Variants in CYBRD1 observed in about 807,000 individuals in gnomAD.
The protein encoded by CYBRD1 is plasma membrane ascorbate-dependent reductase CYBRD1.
In CYBRD1, 14 loss-of-function variants were observed where a neutral mutation model predicts 21.9. The ratio of observed to expected loss-of-function variants is 0.64; its 90% confidence interval spans 0.42 to 1.00. CYBRD1 has a LOEUF of 1.00. Ranked by LOEUF, CYBRD1 falls within the 50% of genes least tolerant of loss-of-function variation. The probability of loss-of-function intolerance (pLI) is 0.00; values close to 1 mark genes in which losing one functional copy is unlikely to be tolerated. For synonymous variants in CYBRD1, 146 were observed against 136.5 expected, an observed-to-expected ratio of 1.07 and a Z score of -0.48; for missense variants, 328 against 352.5, an observed-to-expected ratio of 0.93 and a Z score of 0.56.
At chr2:171,526,769 G>C (rs1228784517) in intron 1 of CYBRD1, among the ~76,000 whole-genome samples, 1 of 152,208 alleles carries the variant, frequency 6.6e-6, no homozygotes, top group Non-Finnish European at 1.5e-5. Flanking sequence ...GGTGGAATGT[G>C]TTCTTTAGTG....
At chr2:171,527,560 A>G (rs1697403142) in intron 1 of CYBRD1, among the ~76,000 whole-genome samples, 1 of 152,222 alleles carries the variant, frequency 6.6e-6, no homozygotes, top group Admixed American at 6.5e-5. Flanking sequence ...GCACTGGCTT[A>G]GTCAACCTCC....
chr2:171,527,119 C>T (rs1697396738), intron 1 of CYBRD1, among the ~76,000 whole-genome samples: 1 of 152,144 alleles, frequency 6.6e-6, no homozygotes, highest in Non-Finnish European at 1.5e-5. Context: ...CAAATACCTA[C>T]TCTAAAAGAA....
At chr2:171,550,551 A>G (rs184599615) in intron 2 of CYBRD1, among the ~76,000 whole-genome samples, 78 of 152,290 alleles carry the variant, frequency 5.1e-4, no homozygotes, top group African/African-American at 1.7e-3. Context: ...TTTATAAATT[A>G]TAAGTTATTA....
rs1203390228 is a variant in CYBRD1 at position 171,549,509 on chromosome 2, C to T, written c.403-3837C>T. Among the ~76,000 whole-genome samples the T allele has an allele frequency of 2.6e-5, 4 of 152,198 alleles. No individual in the cohort carries two copies. The East Asian group carries it at 7.7e-4, about 29-fold the overall frequency. On this transcript the variant is annotated intron_variant, in intron 2 of 3. Coordinates refer to ENST00000321348, the MANE Select transcript of CYBRD1 (RefSeq NM_024843.4). ...AAAAACCCTGGCTATTCTGGGCACA[C>T]TGCCTGTGGGGTATTCCTGTTCCAC...
At chr2:171,545,636 G>A (rs952618190) in intron 2 of CYBRD1, among the ~76,000 whole-genome samples, 4 of 146,054 alleles carry the variant, frequency 2.7e-5, no homozygotes, top group East Asian at 2.1e-4. Context: ...TGATCCACCC[G>A]CCTCGGCCTC....
chr2:171,552,630 T>C (rs1195414507), intron 2 of CYBRD1, among the ~76,000 whole-genome samples: 1 of 152,244 alleles, frequency 6.6e-6, no homozygotes, highest in African/African-American at 2.4e-5. Context: ...GAGAGGATAC[T>C]TGATGGGCAA....
Position 171,541,699 on chromosome 2 carries a change from C to T in CYBRD1, c.308C>T (p.Ala103Val). Residue 103 changes from alanine (A) to valine (V), a missense_variant, in exon 2 of 4, where the codon GCC becomes GTC. Transcript: ENST00000321348. ...ATTCTTGCAATTATCTCTGTGGTGGCCGTGTTTGAGAACCACAATGTTAAC... is the reference window on the plus strand; with the variant it reads ...ATTCTTGCAATTATCTCTGTGGTGGTCGTGTTTGAGAACCACAATGTTAAC... ...AAILAIISVVAVFENHNVNNI... is the reference protein window; with the variant it reads ...AAILAIISVVVVFENHNVNNI... The T allele has an allele frequency of 6.2e-7, 1 of 1,613,704 alleles. No individual in the cohort carries two copies. Among genetic ancestry groups the T allele is most frequent in the East Asian group, 2.2e-5 (1 of 44,862 alleles).
At chr2:171,540,473 A>G (rs570798484) in intron 1 of CYBRD1, among the ~76,000 whole-genome samples, 1 of 152,282 alleles carries the variant, frequency 6.6e-6, no homozygotes, top group East Asian at 1.9e-4. Context: ...TGATGATCAT[A>G]TAAATATTTC....
intron 1 of CYBRD1, among the ~76,000 whole-genome samples, chr2:171,528,170 C>G (rs1188623768): frequency 6.6e-6 from 1 of 152,138 alleles, no homozygotes; most frequent in East Asian, 1.9e-4. Context: ...ACCGCAAACT[C>G]TGCCTCCCGG....
chr2:171,549,835 G>A (rs1489511815), intron 2 of CYBRD1, among the ~76,000 whole-genome samples: 2 of 152,130 alleles, frequency 1.3e-5, no homozygotes, highest in African/African-American at 2.4e-5. Flanking sequence ...CTAAACACTG[G>A]GGCACTTTGT....
At chr2:171,522,379 C>T (rs2356782), upstream of CYBRD1, 3 of 1,492,400 alleles carry the variant, frequency 2.0e-6, 1 homozygote, top group Non-Finnish European at 2.7e-6. This position sits in a 1 kb window ranked among gnomAD's most constrained non-coding sequence, Gnocchi z 4.3. Context: ...CTCCCCACCC[C>T]CAAGAGGCCC....
At position 171,540,296 on chromosome 2, in the gene CYBRD1, G is replaced by A. The variant is rs1007460245; in HGVS notation, c.194-1289G>A. Among the ~76,000 whole-genome samples, 3 of 152,190 alleles carry A rather than the reference G, an allele frequency of 2.0e-5. No individual in the cohort carries two copies. In the East Asian group the frequency reaches 5.8e-4, roughly 29 times the overall value. ...TACTTGTTAACGTCTGGCTTCTTGA[G>A]ATTGACATTATAGGTTGATCCATAT... On this transcript the variant is annotated intron_variant, in intron 1 of 3. Transcript: ENST00000321348.
At position 171,554,800 on chromosome 2, in the gene CYBRD1, T is replaced by G. The variant is rs749833110; in HGVS notation, c.834T>G (p.Asp278Glu). ...VAARKRNLAL[D>E]EAGQRSTM ...CAAGGAAAAGAAACTTAGCTCTGGA[T>G]GAGGCTGGGCAGAGATCTACCATGT... The change falls in exon 4 of 4, where the codon GAT becomes GAG. Residue 278 changes from aspartate (D) to glutamate (E), a missense_variant. By Grantham distance (45) the Asp-to-Glu change is conservative. Transcript: ENST00000321348. 1.9e-6 allele frequency: 3 copies of G among 1,613,228 alleles called. No homozygotes were observed. The highest frequency in any genetic ancestry group is 1.7e-6 in the Non-Finnish European group (2 of 1,179,872).
At chr2:171,541,816 A>C in intron 2 of CYBRD1, 23 bp downstream of exon 2, 1 of 1,575,904 alleles carries the variant, frequency 6.3e-7, no homozygotes, top group Middle Eastern at 1.7e-4. Context: ...GTGTATTTAC[A>C]AGCAAGTTAT....
At chr2:171,531,035 A>AGTCCCAGC (rs571317724) in intron 1 of CYBRD1, among the ~76,000 whole-genome samples, 13 of 151,724 alleles carry the variant, frequency 8.6e-5, no homozygotes, top group South Asian at 4.2e-4. Flanking sequence ...TGTGTTGGTA[A>AGTCCCAGC]GTCCCAGCTA....
At chr2:171,540,249 A>G (rs1697609593) in intron 1 of CYBRD1, among the ~76,000 whole-genome samples, 1 of 152,206 alleles carries the variant, frequency 6.6e-6, no homozygotes, top group African/African-American at 2.4e-5. Flanking sequence ...TCTATACTTC[A>G]TATAAATTGA....
At position 171,541,642 on chromosome 2, in the gene CYBRD1, C is replaced by G; in HGVS notation, c.251C>G (p.Ser84Cys). ...AAATGCAGCAAGCTCCTGATGAAATCCATCCATGCAGGGTTAAATGCAGTT... is the reference window on the plus strand; with the variant it reads ...AAATGCAGCAAGCTCCTGATGAAATGCATCCATGCAGGGTTAAATGCAGTT... Reference protein sequence around the residue: ...TWKCSKLLMKSIHAGLNAVAA... With the variant: ...TWKCSKLLMKCIHAGLNAVAA... Residue 84 changes from serine to cysteine, a missense_variant, in exon 2 of 4, where the codon TCC (serine) becomes TGC (cysteine). Coordinates refer to ENST00000321348, the MANE Select transcript of CYBRD1 (RefSeq NM_024843.4). The G allele has an allele frequency of 2.5e-6, 4 of 1,613,988 alleles. No homozygotes were observed. The African/African-American group carries it at 5.3e-5, about 22-fold the overall frequency.
chr2:171,548,310 C>A (rs1015954293), intron 2 of CYBRD1, among the ~76,000 whole-genome samples: 1 of 152,118 alleles, frequency 6.6e-6, no homozygotes, highest in Admixed American at 6.5e-5. Flanking sequence ...TGGGGCCCAA[C>A]AATCTGTGCT....
Position 171,554,942 on chromosome 2 carries a change from C to G in CYBRD1, c.*115C>G, listed in dbSNP as rs956179972. 8.8e-7 allele frequency: 1 copy of G among 1,130,074 alleles called. No homozygotes were observed. Among genetic ancestry groups the G allele is most frequent in the African/African-American group, 1.6e-5 (1 of 64,300 alleles). The allele number at this position is 1,130,074 out of a possible 1,614,324, so 70.0% of individuals were successfully genotyped here. A position where few individuals can be genotyped will look rare whatever the true frequency, so the allele number is the denominator to read the frequency against. On this transcript the variant is annotated 3_prime_UTR_variant, in exon 4 of 4. Coordinates refer to ENST00000321348, the MANE Select transcript of CYBRD1 (RefSeq NM_024843.4). ...ATGTAGTATCAATATTTACTTTAAT[C>G]ACAAAGGATGGTTTCTTGAAATAAT... is the stretch of plus-strand genomic sequence containing the variant.
Sources: gnomAD v4.1 joint callset for allele counts (sites outside exome capture counted in the v4.1 genomes callset) on GRCh38, gnomAD v4.1.1 for gene constraint, Gnocchi (gnomAD v3.1) non-coding constraint, MANE v1.5 for transcripts, NCBI Gene and HGNC (gene_info 2026-07-23, HGNC 2026-07-21) for gene names.